The following GBF1 variants were observed in gnomAD, a reference collection of about 807,000 sequenced individuals.
The protein encoded by GBF1 is golgi brefeldin A resistant guanine nucleotide exchange factor 1.
GBF1 carries 114 observed loss-of-function variants against 210.5 expected under a neutral mutation model. That is an observed-to-expected ratio of 0.54 (90% CI 0.47 to 0.63). The LOEUF (loss-of-function observed/expected upper bound fraction) is 0.63, where lower values mean the gene tolerates loss of function less well. Among genes scored for constraint, GBF1 ranks in the 30% least tolerant of loss-of-function variants. The pLI, the probability that GBF1 is intolerant of heterozygous loss-of-function variation, is 0.00. For synonymous variants in GBF1, 850 were observed against 889.2 expected (o/e 0.96, Z 0.78); for missense variants, 1,851 against 2,357.7 (o/e 0.79, Z 4.45).
chr10:102,271,532 T>C (rs772016), intron 3 of GBF1, among the ~76,000 whole-genome samples: 48,597 of 147,286 alleles, frequency 0.33, 8,215 homozygotes, highest in South Asian at 0.47. Context: ...TTTTTTTTCT[T>C]TTGCATTGGC....
chr10:102,362,889 T>A lies in GBF1; in HGVS notation c.1876+225T>A, dbSNP rs564254281. Reference sequence around the variant, plus strand: ...TTTGGTTTTTTACAGAATTATTATTTCTTTATGGCAAGAGAAGAGAACAGA... The same window carrying A: ...TTTGGTTTTTTACAGAATTATTATTACTTTATGGCAAGAGAAGAGAACAGA... On this transcript the variant is annotated intron_variant, in intron 15 of 39. Transcript: ENST00000369983. Among the ~76,000 whole-genome samples, 7 of 152,300 alleles carry A rather than the reference T, an allele frequency of 4.6e-5. 1 individual carries two copies. The South Asian group carries it at 1.2e-3, about 27-fold the overall frequency.
At chr10:102,274,686 G>C (rs941970630) in intron 3 of GBF1, among the ~76,000 whole-genome samples, 4 of 143,662 alleles carry the variant, frequency 2.8e-5, no homozygotes, top group African/African-American at 5.2e-5. Flanking sequence ...AAGTCTACAG[G>C]TGCAAAACAA....
chr10:102,294,429 T>G (rs2076744152), intron 3 of GBF1, among the ~76,000 whole-genome samples: 1 of 151,130 alleles, frequency 6.6e-6, no homozygotes, highest in African/African-American at 2.4e-5. Context: ...TCGCCCAGGC[T>G]GGAGTGCAGT....
the GBF1 span, among the ~76,000 whole-genome samples, chr10:102,237,597 C>T: frequency 2.0e-5 from 3 of 152,016 alleles, no homozygotes; most frequent in Non-Finnish European, 4.4e-5. Context: ...AGAAAAAAAC[C>T]CTAAGACCAG....
intron 3 of GBF1, among the ~76,000 whole-genome samples, chr10:102,309,721 C>A (rs1006412855): frequency 2.0e-5 from 3 of 151,710 alleles, no homozygotes; most frequent in Non-Finnish European, 4.4e-5. Context: ...TTTTGTGTGT[C>A]CTTGTTTATG....
At chr10:102,239,412 CTA>C in the GBF1 span, among the ~76,000 whole-genome samples, 1 of 152,194 alleles carries the variant, frequency 6.6e-6, no homozygotes, top group Non-Finnish European at 1.5e-5. Flanking sequence ...TTCATTTCAC[CTA>C]TAATTTCAGT....
intron 3 of GBF1, among the ~76,000 whole-genome samples, chr10:102,296,693 A>T (rs944579745): frequency 6.8e-6 from 1 of 147,566 alleles, no homozygotes; most frequent in Admixed American, 6.8e-5. Flanking sequence ...GTGAGCTGAG[A>T]TCGTGCCACT....
intron 3 of GBF1, among the ~76,000 whole-genome samples, chr10:102,324,134 A>G (rs2056687295): frequency 6.6e-6 from 1 of 152,182 alleles, no homozygotes; most frequent in Non-Finnish European, 1.5e-5. Flanking sequence ...AATACGCACC[A>G]AGCAAAGATG....
At chr10:102,261,446 A>G (rs1375044819) in intron 3 of GBF1, among the ~76,000 whole-genome samples, 1 of 152,166 alleles carries the variant, frequency 6.6e-6, no homozygotes, top group Non-Finnish European at 1.5e-5. Flanking sequence ...GACATATGTC[A>G]GACTGTAATT....
At position 102,369,203 on chromosome 10, in the gene GBF1, T is replaced by A; in HGVS notation, c.2974-8T>A. ...CGGCCTTAAGTCTGTTCTCTTCCTC[T>A]TTTCCAGTCTATTGAGAACCTGCCC... On this transcript the variant is annotated splice_region_variant and splice_polypyrimidine_tract_variant and intron_variant, in intron 23 of 39. Transcript: ENST00000369983. The A allele has an allele frequency of 6.2e-7, 1 of 1,604,146 alleles. No homozygotes were observed. The highest frequency in any genetic ancestry group is 8.5e-7 in the Non-Finnish European group (1 of 1,171,218).
chr10:102,316,491 A>G (rs1452302459), intron 3 of GBF1, among the ~76,000 whole-genome samples: 8 of 152,178 alleles, frequency 5.3e-5, no homozygotes, highest in African/African-American at 1.9e-4. Context: ...TCTTCCTCTT[A>G]CCTGTTCTCC....
At chr10:102,359,149 T>G in intron 10 of GBF1, 118 bp from the exon 11 acceptor site, 1 of 725,232 alleles carries the variant, frequency 1.4e-6, no homozygotes, top group Non-Finnish European at 2.4e-6. Flanking sequence ...AACCACTGAG[T>G]TGGCCCTACA....
At chr10:102,353,908 G>A (rs1189685127) in intron 8 of GBF1, among the ~76,000 whole-genome samples, 2 of 152,128 alleles carry the variant, frequency 1.3e-5, no homozygotes, top group Non-Finnish European at 2.9e-5. Context: ...AAACTGCATG[G>A]TACCCATCAG....
intron 3 of GBF1, among the ~76,000 whole-genome samples, chr10:102,284,430 C>T (rs572190800): frequency 1.3e-5 from 2 of 152,282 alleles, no homozygotes; most frequent in East Asian, 3.9e-4. Flanking sequence ...TTCCCTTCCC[C>T]TCCAGCCCCT....
chr10:102,327,125 C>T (rs979652236), intron 3 of GBF1, among the ~76,000 whole-genome samples: 6 of 152,204 alleles, frequency 3.9e-5, no homozygotes, highest in African/African-American at 1.4e-4. Flanking sequence ...AAGCCTTAGC[C>T]TCTCAGGGGG....
At position 102,344,297 on chromosome 10, in the gene GBF1, T is replaced by A; in HGVS notation, c.295+115T>A. 3 of 843,086 alleles carry A rather than the reference T, an allele frequency of 3.6e-6. No individual in the cohort carries two copies. In the South Asian group the frequency reaches 4.6e-5, roughly 13 times the overall value. 52.2% of individuals were successfully genotyped at this position (843,086 alleles called of 1,614,324 possible). A position where few individuals can be genotyped will look rare whatever the true frequency, so the allele number is the denominator to read the frequency against. ...GTGGGAAATTTTTTCCAGTCACCTC[T>A]TTTCTTGTAGAAGAGAAATAGGATT... On this transcript the variant is annotated intron_variant, in intron 4 of 39. Coordinates refer to ENST00000369983, the MANE Select transcript of GBF1 (RefSeq NM_001377137.1).
At chr10:102,248,270 C>T (rs1407122117) in intron 1 of GBF1, among the ~76,000 whole-genome samples, 1 of 150,924 alleles carries the variant, frequency 6.6e-6, no homozygotes, top group Non-Finnish European at 1.5e-5. Flanking sequence ...TGCTGTTTAG[C>T]TGTTACTCTT....
intron 6 of GBF1, 57 bp downstream of exon 6, chr10:102,352,008 A>C: frequency 1.1e-6 from 1 of 943,248 alleles, no homozygotes; most frequent in Non-Finnish European, 1.8e-6. Flanking sequence ...CTGAGTATGA[A>C]TACAGGAGGC....
intron 14 of GBF1, 90 bp from the exon 15 acceptor site, chr10:102,362,385 A>G: frequency 1.1e-6 from 1 of 939,966 alleles, no homozygotes; most frequent in Non-Finnish European, 1.7e-6. Context: ...GCAATGTACA[A>G]GTTAGAAGAA....
Sources: gnomAD v4.1 joint callset for allele counts (sites outside exome capture counted in the v4.1 genomes callset) on GRCh38, gnomAD v4.1.1 for gene constraint, MANE v1.5 for transcripts, NCBI Gene and HGNC (gene_info 2026-07-23, HGNC 2026-07-21) for gene names.